The following KCNG3 variants were observed in gnomAD, a reference collection of about 807,000 sequenced individuals.
KCNG3 encodes the protein potassium voltage-gated channel modifier subfamily G member 3.
In KCNG3, 15 loss-of-function variants were observed where a neutral mutation model predicts 29.0. The ratio of observed to expected loss-of-function variants is 0.52; its 90% CI spans 0.35 to 0.80. The LOEUF (loss-of-function observed/expected upper bound fraction) is 0.80. KCNG3 is among the 30% of genes least tolerant of loss of function. KCNG3 has a pLI of 0.01. For missense variants in KCNG3, 512 were observed against 605.7 expected (o/e 0.85, Z 1.62); for synonymous variants, 322 against 248.9 (o/e 1.29, Z -2.76).
chr2:42,414,736 C>T, the KCNG3 span, among the ~76,000 whole-genome samples: 1 of 152,098 alleles, frequency 6.6e-6, no homozygotes, highest in African/African-American at 2.4e-5. Flanking sequence ...TCAGTCTATC[C>T]TCCATGACAT....
At chr2:42,394,267 A>G in the KCNG3 span, among the ~76,000 whole-genome samples, 3 of 152,328 alleles carry the variant, frequency 2.0e-5, no homozygotes, top group South Asian at 4.1e-4. Flanking sequence ...AAAAACTGCT[A>G]AAAAGGCAGG....
downstream of KCNG3, among the ~76,000 whole-genome samples, chr2:42,441,788 ATATAGGTGTGTGTG>A (rs368308199): frequency 2.6e-3 from 394 of 149,990 alleles, no homozygotes; most frequent in South Asian, 5.0e-3. Flanking sequence ...AAATATATAT[ATATAGGTGTGTGTG>A]TATATATATA....
chr2:42,489,689 T>C (rs1349099665), intron 1 of KCNG3, among the ~76,000 whole-genome samples: 2 of 143,684 alleles, frequency 1.4e-5, no homozygotes, highest in Non-Finnish European at 3.1e-5. Context: ...AGGCTAGGCA[T>C]TGCACAGTAA....
At chr2:42,467,840 A>G (rs946522547) in intron 1 of KCNG3, among the ~76,000 whole-genome samples, 14 of 151,816 alleles carry the variant, frequency 9.2e-5, no homozygotes, top group African/African-American at 3.1e-4. Flanking sequence ...GCATGGTAGC[A>G]TGCCCCTATA....
intron 1 of KCNG3, among the ~76,000 whole-genome samples, chr2:42,452,087 G>A (rs1672769229): frequency 6.6e-6 from 1 of 151,498 alleles, no homozygotes; most frequent in African/African-American, 2.4e-5. Flanking sequence ...AATGGACAAA[G>A]GATTTTTTAG....
At chr2:42,418,076 G>T in the KCNG3 span, among the ~76,000 whole-genome samples, 13 of 151,994 alleles carry the variant, frequency 8.6e-5, no homozygotes, top group African/African-American at 3.1e-4. Context: ...CAATTAAGTG[G>T]CATTAAGTAT....
chr2:42,397,311 A>G, the KCNG3 span, among the ~76,000 whole-genome samples: 1 of 152,122 alleles, frequency 6.6e-6, no homozygotes, highest in African/African-American at 2.4e-5. Flanking sequence ...GATGGTTTCT[A>G]GGATATACTG....
intron 1 of KCNG3, among the ~76,000 whole-genome samples, chr2:42,449,841 G>A (rs898021488): frequency 6.6e-5 from 10 of 152,190 alleles, no homozygotes; most frequent in Non-Finnish European, 1.2e-4. Flanking sequence ...GATTGCAGGA[G>A]CACGCAGCAG....
chr2:42,486,187 T>C (rs908791927), intron 1 of KCNG3, among the ~76,000 whole-genome samples: 14 of 152,080 alleles, frequency 9.2e-5, no homozygotes, highest in African/African-American at 2.7e-4. Context: ...AGCGAGAGGG[T>C]CCCCAGTGCC....
Position 42,493,637 on chromosome 2 carries a change from C to A in KCNG3, c.-136G>T. 2 of 703,878 alleles carry A rather than the reference C, an allele frequency of 2.8e-6. No homozygotes were observed. 43.6% of individuals were successfully genotyped at this position (703,878 alleles called of 1,614,324 possible). A position where few individuals can be genotyped will look rare whatever the true frequency, so the allele number is the denominator to read the frequency against. ...GCCCGCGCTCCCTCGGGGCTCCGCTCCTGCCCTCCGCTGGCCCGGGGGTCC... is the reference window on the plus strand; with the variant it reads ...GCCCGCGCTCCCTCGGGGCTCCGCTACTGCCCTCCGCTGGCCCGGGGGTCC... On this transcript the variant is annotated 5_prime_UTR_variant, in exon 1 of 2. Coordinates refer to ENST00000306078, the MANE Select transcript of KCNG3 (RefSeq NM_133329.6).
At chr2:42,432,435 G>A in the KCNG3 span, among the ~76,000 whole-genome samples, 1 of 152,194 alleles carries the variant, frequency 6.6e-6, no homozygotes, top group South Asian at 2.1e-4. Flanking sequence ...CTGTTTCTCA[G>A]CTCTTCTGCC....
At chr2:42,470,124 A>G in intron 1 of KCNG3, 1 of 451,200 alleles carries the variant, frequency 2.2e-6, no homozygotes, top group Non-Finnish European at 4.1e-6. Flanking sequence ...CTTGAGAGGA[A>G]TAGAAAGGAT....
chr2:42,400,429 C>T, the KCNG3 span, among the ~76,000 whole-genome samples: 2 of 152,156 alleles, frequency 1.3e-5, no homozygotes, highest in Admixed American at 1.3e-4. Flanking sequence ...CATTTGCCAT[C>T]CCTCTGTTCC....
chr2:42,416,969 C>T, the KCNG3 span, among the ~76,000 whole-genome samples: 1 of 152,042 alleles, frequency 6.6e-6, no homozygotes, highest in Non-Finnish European at 1.5e-5. Context: ...ATAAATTCGT[C>T]CTGGCACGGT....
At chr2:42,429,814 G>A in the KCNG3 span, among the ~76,000 whole-genome samples, 3 of 152,132 alleles carry the variant, frequency 2.0e-5, no homozygotes, top group Admixed American at 6.5e-5. Context: ...AGTGGACCTC[G>A]AGTAGAGAAG....
At chr2:42,489,533 G>C (rs929014166) in intron 1 of KCNG3, among the ~76,000 whole-genome samples, 1 of 152,170 alleles carries the variant, frequency 6.6e-6, no homozygotes, top group African/African-American at 2.4e-5. Context: ...CGCTAAGAAG[G>C]ATATCATAGA....
At chr2:42,466,204 G>A (rs577802081) in intron 1 of KCNG3, among the ~76,000 whole-genome samples, 155 of 152,132 alleles carry the variant, frequency 1.0e-3, no homozygotes, top group Non-Finnish European at 1.8e-3. Context: ...TCAGGAGTTC[G>A]AGACCAGCCT....
At chr2:42,401,064 C>T in the KCNG3 span, among the ~76,000 whole-genome samples, 7 of 150,690 alleles carry the variant, frequency 4.6e-5, no homozygotes, top group African/African-American at 1.7e-4. Context: ...AATATTCATA[C>T]ATATATTTAC....
the KCNG3 span, among the ~76,000 whole-genome samples, chr2:42,430,383 T>C: frequency 6.7e-6 from 1 of 149,922 alleles, no homozygotes; most frequent in East Asian, 2.0e-4. Context: ...AATAAATAAA[T>C]AAATAAATAA....
Sources: gnomAD v4.1 joint callset for allele counts (sites outside exome capture counted in the v4.1 genomes callset) on GRCh38, gnomAD v4.1.1 for gene constraint, MANE v1.5 for transcripts, NCBI Gene and HGNC (gene_info 2026-07-23, HGNC 2026-07-21) for gene names.